The following OXSR1 variants were observed in gnomAD, a reference collection of about 807,000 sequenced individuals.
The protein encoded by OXSR1 is oxidative stress responsive kinase 1.
Under a neutral mutation model 79.8 loss-of-function variants are expected in OXSR1, and 24 were observed. The observed-to-expected ratio is 0.30, with a 90% confidence interval of 0.22 to 0.42. The LOEUF (loss-of-function observed/expected upper bound fraction) is 0.42, where lower values mean the gene tolerates loss of function less well. OXSR1 is among the 10% of genes least tolerant of loss of function. OXSR1 has a pLI of 1.00. For missense variants in OXSR1, 430 were observed against 618.4 expected, an observed-to-expected ratio of 0.70 and a Z score of 3.23; for synonymous variants, 226 against 209.2, an observed-to-expected ratio of 1.08 and a Z score of -0.69.
chr3:38,229,879 T>G, intron 9 of OXSR1, 144 bp downstream of exon 9: 2 of 659,430 alleles, frequency 3.0e-6, no homozygotes, highest in South Asian at 3.7e-5. Flanking sequence ...ATGTATACAG[T>G]CTTTGATAAT....
Position 38,175,997 on chromosome 3 carries a change from G to A in OXSR1, c.71-7006G>A, listed in dbSNP as rs199373. ...CTTAGTCGAGGGCATTAGGGAAGTA[G>A]CTATCACACTTTGACTAAACCATTC... On this transcript the variant is annotated intron_variant, in intron 1 of 17. Coordinates refer to ENST00000311806, the MANE Select transcript of OXSR1 (RefSeq NM_005109.3). 2.7e-3 allele frequency among the ~76,000 whole-genome samples: 405 copies of A among 152,230 alleles called. 6 individuals are homozygous for A. The highest frequency in any genetic ancestry group is 0.022 in the Admixed American group (340 of 15,280).
chr3:38,247,940 CATGTTCTCTCA>C (rs1335000264), intron 14 of OXSR1, among the ~76,000 whole-genome samples: 1 of 152,076 alleles, frequency 6.6e-6, no homozygotes, highest in Non-Finnish European at 1.5e-5. Flanking sequence ...AACTGATGCA[CATGTTCTCTCA>C]GTTGTTTCTG....
intron 15 of OXSR1, among the ~76,000 whole-genome samples, chr3:38,250,819 C>T (rs941633101): frequency 1.1e-4 from 17 of 152,186 alleles, no homozygotes; most frequent in African/African-American, 3.6e-4. Flanking sequence ...CTGTCTCCAC[C>T]GCAGTCCTCC....
intron 8 of OXSR1, among the ~76,000 whole-genome samples, chr3:38,227,320 A>G (rs1702709125): frequency 6.6e-6 from 1 of 152,206 alleles, no homozygotes; most frequent in South Asian, 2.1e-4. Context: ...ACTGAATCAC[A>G]GAGAGGTTAA....
At chr3:38,248,396 A>G (rs753436152) in intron 14 of OXSR1, among the ~76,000 whole-genome samples, 25 of 145,938 alleles carry the variant, frequency 1.7e-4, no homozygotes, top group Non-Finnish European at 1.2e-4. Context: ...TCTTGTCAGA[A>G]TCACTATGGC....
Position 38,229,709 on chromosome 3 carries a change from A to G in OXSR1, c.859A>G (p.Arg287Gly), listed in dbSNP as rs770177968. The G allele has an allele frequency of 6.2e-7, 1 of 1,612,154 alleles. No homozygotes were observed. The highest frequency in any genetic ancestry group is 2.2e-5 in the East Asian group (1 of 44,698). The change falls in exon 9 of 18, where the codon AGG (arginine) becomes GGG (glycine). Residue 287 changes from arginine (R) to glycine (G), a missense_variant. Arg to Gly is a moderately radical substitution (Grantham distance 125). Coordinates refer to ENST00000311806, the MANE Select transcript of OXSR1 (RefSeq NM_005109.3). ...EKRPTAAELLRHKFFQKAKNK... is the reference protein window; with the variant it reads ...EKRPTAAELLGHKFFQKAKNK... Reference sequence around the variant, plus strand: ...TAGACCAACAGCAGCAGAACTATTAAGGCACAAATTTTTCCAGAAAGCAAA... The same window carrying G: ...TAGACCAACAGCAGCAGAACTATTAGGGCACAAATTTTTCCAGAAAGCAAA...
chr3:38,238,612 A>G (rs1702965484), intron 11 of OXSR1, among the ~76,000 whole-genome samples: 1 of 152,054 alleles, frequency 6.6e-6, no homozygotes, highest in Non-Finnish European at 1.5e-5. Flanking sequence ...TTTTTCTTTC[A>G]GCATTTTAAA....
intron 1 of OXSR1, among the ~76,000 whole-genome samples, chr3:38,179,575 A>G (rs976408061): frequency 1.3e-5 from 2 of 152,200 alleles, no homozygotes; most frequent in African/African-American, 2.4e-5. Context: ...TAATTCCAGA[A>G]TGTTTTCATA....
In OXSR1 at chr3:38,247,153, A is replaced by G. The variant is rs529933949; in HGVS notation, c.1258-515A>G. Among the ~76,000 whole-genome samples the G allele has an allele frequency of 4.6e-5, 7 of 152,188 alleles. No homozygotes were observed. In the East Asian group the frequency reaches 1.3e-3, roughly 29 times the overall value. On this transcript the variant is annotated intron_variant, in intron 13 of 17. Transcript: ENST00000311806. ...GAAAATTGATGGAAAAATTAGATTCATTTTATAAACAACTTAAATCGAATG... is the reference window on the plus strand; with the variant it reads ...GAAAATTGATGGAAAAATTAGATTCGTTTTATAAACAACTTAAATCGAATG...
At chr3:38,172,814 A>T (rs1559498691) in intron 1 of OXSR1, among the ~76,000 whole-genome samples, 1 of 152,220 alleles carries the variant, frequency 6.6e-6, no homozygotes, top group African/African-American at 2.4e-5. Context: ...TGTGGGGAAA[A>T]TGGAAATAAT....
chr3:38,209,854 C>T (rs1435008303), intron 4 of OXSR1, among the ~76,000 whole-genome samples: 2 of 151,904 alleles, frequency 1.3e-5, no homozygotes, highest in Non-Finnish European at 2.9e-5. Context: ...AATCTCCTGA[C>T]CTCGTGATCC....
chr3:38,248,737 A>G (rs1349527655), intron 14 of OXSR1, among the ~76,000 whole-genome samples: 1 of 152,220 alleles, frequency 6.6e-6, no homozygotes, highest in Non-Finnish European at 1.5e-5. Flanking sequence ...ACAGAAGCCT[A>G]CTTAGTATAC....
At chr3:38,239,215 G>T (rs1312612365) in intron 11 of OXSR1, among the ~76,000 whole-genome samples, 1 of 151,950 alleles carries the variant, frequency 6.6e-6, no homozygotes, top group South Asian at 2.1e-4. Flanking sequence ...TAACATCCAT[G>T]TCAATTCTGA....
upstream of OXSR1, chr3:38,165,139 G>A (rs1465856363): frequency 1.3e-5 from 2 of 152,282 alleles, no homozygotes; most frequent in Non-Finnish European, 2.9e-5. Flanking sequence ...CTGGAGGCGG[G>A]ACCAATTTAT....
chr3:38,219,817 A>ATGG (rs1702554226), intron 5 of OXSR1, among the ~76,000 whole-genome samples: 5 of 149,668 alleles, frequency 3.3e-5, no homozygotes, highest in African/African-American at 1.2e-4. Flanking sequence ...GATGATGATG[A>ATGG]TGATTTTAGA....
intron 10 of OXSR1, among the ~76,000 whole-genome samples, chr3:38,235,800 A>C (rs992618566): frequency 1.3e-5 from 2 of 152,236 alleles, no homozygotes; most frequent in Non-Finnish European, 2.9e-5. Flanking sequence ...ACAATGAATG[A>C]AGTGTGAAGA....
chr3:38,208,286 ATT>A (rs745794726), intron 4 of OXSR1, among the ~76,000 whole-genome samples: 42 of 152,194 alleles, frequency 2.8e-4, no homozygotes, highest in Non-Finnish European at 5.4e-4. Flanking sequence ...GGAAATTCAT[ATT>A]GTTTTAAGAG....
intron 15 of OXSR1, 137 bp from the exon 16 acceptor site, chr3:38,251,266 C>T (rs1174542337): frequency 2.8e-6 from 2 of 703,670 alleles, no homozygotes; most frequent in Non-Finnish European, 5.1e-6. Flanking sequence ...AAGGAAGGCC[C>T]TGCCTGCCTT....
At chr3:38,201,367 G>A (rs1702159845) in intron 4 of OXSR1, among the ~76,000 whole-genome samples, 1 of 151,452 alleles carries the variant, frequency 6.6e-6, no homozygotes, top group African/African-American at 2.4e-5. Context: ...TTTAATACCA[G>A]CCTGGGCAAC....
Sources: allele counts gnomAD v4.1 joint callset (sites outside exome capture counted in the v4.1 genomes callset), GRCh38; gene constraint gnomAD v4.1.1; transcripts MANE v1.5; gene names NCBI Gene and HGNC (gene_info 2026-07-23, HGNC 2026-07-21).